CAMK1D: variants seen among roughly 807,000 people sequenced by gnomAD.
The protein encoded by CAMK1D is calcium/calmodulin-dependent protein kinase type 1D.
Under a neutral mutation model 47.7 loss-of-function variants are expected in CAMK1D, and 9 were observed. That is an observed-to-expected ratio of 0.19 (90% confidence interval 0.11 to 0.33). The LOEUF (loss-of-function observed/expected upper bound fraction) is 0.33. Among genes scored for constraint, CAMK1D ranks in the 10% least tolerant of loss-of-function variants. CAMK1D has a pLI of 1.00. For synonymous variants in CAMK1D, 184 were observed against 184.9 expected (o/e 0.99, Z 0.04); for missense variants, 291 against 488.7 (o/e 0.60, Z 3.81).
intron 7 of CAMK1D, among the ~76,000 whole-genome samples, chr10:12,815,995 G>A (rs1188980355): frequency 3.3e-5 from 5 of 152,206 alleles, no homozygotes; most frequent in Non-Finnish European, 7.3e-5. Context: ...CTAGCCACTA[G>A]AGGTAAGGGC....
intron 1 of CAMK1D, among the ~76,000 whole-genome samples, chr10:12,401,183 A>T (rs1371470248): frequency 2.1e-5 from 1 of 47,062 alleles, no homozygotes; most frequent in Non-Finnish European, 3.7e-5. Context: ...TATATATATT[A>T]TATATATATT....
At chr10:12,828,305 CT>C (rs762537705) in intron 10 of CAMK1D, among the ~76,000 whole-genome samples, 6 of 152,164 alleles carry the variant, frequency 3.9e-5, no homozygotes, top group Non-Finnish European at 8.8e-5. Context: ...ATTGCAAAGG[CT>C]TTCCCACAGG....
In CAMK1D at chr10:12,672,784, T is replaced by A. The variant is rs948317355; in HGVS notation, c.299+5974T>A. 3.3e-5 allele frequency among the ~76,000 whole-genome samples: 5 copies of A among 152,166 alleles called. 1 individual carries two copies. The highest frequency in any genetic ancestry group is 1.2e-4 in the African/African-American group (5 of 41,434). ...TAGGGCTATCCAGTTTTCAGCATCA[T>A]TTGTTGTAAGTTCTCCAACTTTAGT... On this transcript the variant is annotated intron_variant, in intron 3 of 10. Transcript: ENST00000619168.
At chr10:12,458,710 G>A (rs1017069894) in intron 1 of CAMK1D, among the ~76,000 whole-genome samples, 4 of 152,144 alleles carry the variant, frequency 2.6e-5, no homozygotes, top group African/African-American at 9.7e-5. Context: ...CAGGATTACA[G>A]GTGTGAGTCA....
intron 1 of CAMK1D, among the ~76,000 whole-genome samples, chr10:12,402,852 A>AT (rs1202054475): frequency 1.9e-4 from 29 of 152,074 alleles, no homozygotes; most frequent in African/African-American, 6.8e-4. Context: ...TCTACTGAGG[A>AT]TATACACAGG....
At chr10:12,681,279 T>C (rs1840985810) in intron 3 of CAMK1D, among the ~76,000 whole-genome samples, 1 of 152,258 alleles carries the variant, frequency 6.6e-6, no homozygotes, top group South Asian at 2.1e-4. Flanking sequence ...ATTTTGATGC[T>C]TGTTCTCTGA....
chr10:12,769,830 C>T (rs372384648), intron 5 of CAMK1D, 31 bp downstream of exon 5: 105 of 1,611,402 alleles, frequency 6.5e-5, no homozygotes, highest in Non-Finnish European at 8.1e-5. Flanking sequence ...CACATGTGCC[C>T]GTGTGTGTGT....
chr10:12,675,704 T>TG (rs770624896), intron 3 of CAMK1D, among the ~76,000 whole-genome samples: 17 of 152,352 alleles, frequency 1.1e-4, no homozygotes, highest in South Asian at 4.1e-4. Flanking sequence ...ACGCCTTTGT[T>TG]GAAAAACTCC....
chr10:12,384,306 A>C (rs1838428395), intron 1 of CAMK1D, among the ~76,000 whole-genome samples: 1 of 152,234 alleles, frequency 6.6e-6, no homozygotes, highest in African/African-American at 2.4e-5. Flanking sequence ...ATTAAACACA[A>C]TACCTTTCAA....
At position 12,395,712 on chromosome 10, in the gene CAMK1D, C is replaced by T. The variant is rs144349541; in HGVS notation, c.92+45802C>T. Among the ~76,000 whole-genome samples the T allele has an allele frequency of 5.7e-3, 866 of 151,800 alleles. 7 individuals are homozygous for T. The highest frequency in any genetic ancestry group is 0.02 in the African/African-American group (834 of 41,334). Reference sequence around the variant, plus strand: ...GGTGAATTACTTGAGGTCAGGAGTTCGAGACCAGCCTAGCCAACATGGTGA... The same window carrying T: ...GGTGAATTACTTGAGGTCAGGAGTTTGAGACCAGCCTAGCCAACATGGTGA... On this transcript the variant is annotated intron_variant, in intron 1 of 10. Coordinates refer to ENST00000619168, the MANE Select transcript of CAMK1D (RefSeq NM_153498.4).
intron 1 of CAMK1D, among the ~76,000 whole-genome samples, chr10:12,425,438 C>T (rs1391500894): frequency 2.6e-5 from 4 of 152,026 alleles, no homozygotes; most frequent in African/African-American, 4.8e-5. Context: ...TGTGCCACCA[C>T]GCCCAGCTAA....
chr10:12,582,295 T>C (rs1382453221), intron 2 of CAMK1D, among the ~76,000 whole-genome samples: 1 of 152,226 alleles, frequency 6.6e-6, no homozygotes, highest in African/African-American at 2.4e-5. Context: ...TATGGCCTTA[T>C]AGTATAGTTT....
chr10:12,456,157 A>G (rs905272308), intron 1 of CAMK1D, among the ~76,000 whole-genome samples: 7 of 152,246 alleles, frequency 4.6e-5, no homozygotes, highest in African/African-American at 9.6e-5. Flanking sequence ...CTCTGGGAAT[A>G]TAAACTAGGT....
intron 1 of CAMK1D, among the ~76,000 whole-genome samples, chr10:12,476,914 T>G (rs369171955): frequency 6.6e-6 from 1 of 152,022 alleles, no homozygotes; most frequent in Non-Finnish European, 1.5e-5. Context: ...AAGCCCACAG[T>G]TAGAGGAGTG....
At chr10:12,391,431 C>A (rs903750829) in intron 1 of CAMK1D, among the ~76,000 whole-genome samples, 3 of 152,178 alleles carry the variant, frequency 2.0e-5, no homozygotes, top group Non-Finnish European at 2.9e-5. Context: ...AAGGCAGTTT[C>A]ACCCCAGCTG....
chr10:12,705,445 A>G lies in CAMK1D; in HGVS notation c.299+38635A>G, dbSNP rs1213165290. Among the ~76,000 whole-genome samples, 6 of 152,140 alleles carry G rather than the reference A, an allele frequency of 3.9e-5. No homozygotes were observed. In the East Asian group the frequency reaches 1.2e-3, roughly 29 times the overall value. Reference sequence around the variant, plus strand: ...CACTGCACTCCAGCCTAGGTGACAAAGCGAGACTCCAGCTCAAAAAAAAGA... The same window carrying G: ...CACTGCACTCCAGCCTAGGTGACAAGGCGAGACTCCAGCTCAAAAAAAAGA... On this transcript the variant is annotated intron_variant, in intron 3 of 10. Coordinates refer to ENST00000619168, the MANE Select transcript of CAMK1D (RefSeq NM_153498.4).
At chr10:12,592,346 G>A (rs975337933) in intron 2 of CAMK1D, among the ~76,000 whole-genome samples, 1 of 152,184 alleles carries the variant, frequency 6.6e-6, no homozygotes, top group African/African-American at 2.4e-5. Context: ...TAGATAGAAA[G>A]TCTGAAATCA....
At chr10:12,524,442 G>T (rs960446729) in intron 1 of CAMK1D, among the ~76,000 whole-genome samples, 1 of 151,972 alleles carries the variant, frequency 6.6e-6, no homozygotes, top group Non-Finnish European at 1.5e-5. Flanking sequence ...GCGCGGTGGC[G>T]CACGCCTGTA....
At chr10:12,703,965 A>G (rs1401007774) in intron 3 of CAMK1D, among the ~76,000 whole-genome samples, 2 of 152,196 alleles carry the variant, frequency 1.3e-5, no homozygotes, top group African/African-American at 4.8e-5. Context: ...TTTGCATTCC[A>G]TAGATGAATC....
Sources: allele counts gnomAD v4.1 joint callset (sites outside exome capture counted in the v4.1 genomes callset), GRCh38; gene constraint gnomAD v4.1.1; transcripts MANE v1.5; gene names NCBI Gene and HGNC (gene_info 2026-07-23, HGNC 2026-07-21).